Variants in PTPRD observed in about 807,000 individuals in gnomAD.
The protein encoded by PTPRD is protein tyrosine phosphatase receptor type D, also known as receptor-type tyrosine-protein phosphatase delta.
In PTPRD, 34 loss-of-function variants were observed where a neutral mutation model predicts 214.5. The observed-to-expected ratio is 0.16, with a 90% CI of 0.12 to 0.21. PTPRD has a LOEUF of 0.21. PTPRD is among the 10% of genes least tolerant of loss of function. PTPRD has a pLI of 1.00. For missense variants in PTPRD, 2,545 were observed against 2,398.7 expected (o/e 1.06, Z -1.27); for synonymous variants, 1,128 against 845.7 (o/e 1.33, Z -5.79).
chr9:9,805,954 C>G (rs10816186), intron 5 of PTPRD, among the ~76,000 whole-genome samples: 14,346 of 152,130 alleles, frequency 0.094, 2,193 homozygotes, highest in East Asian at 0.73. Flanking sequence ...AATATATTCA[C>G]TCAACAAATA....
intron 2 of PTPRD, among the ~76,000 whole-genome samples, chr9:10,604,956 A>T (rs1591840042): frequency 6.6e-6 from 1 of 151,852 alleles, no homozygotes; most frequent in African/African-American, 2.4e-5. Context: ...ACTTTGATAA[A>T]GGTTTTCAGG....
At chr9:8,376,184 T>C in intron 38 of PTPRD, 94 bp from the exon 39 acceptor site, 1 of 1,407,278 alleles carries the variant, frequency 7.1e-7, no homozygotes, top group Admixed American at 2.0e-5. Context: ...AATGTGCTAT[T>C]TTAATTCCTT....
chr9:9,336,854 T>C (rs1169748822), intron 9 of PTPRD, among the ~76,000 whole-genome samples: 1 of 152,138 alleles, frequency 6.6e-6, no homozygotes, highest in Non-Finnish European at 1.5e-5. Context: ...TTTATATGAG[T>C]AAGACATTTT....
intron 8 of PTPRD, among the ~76,000 whole-genome samples, chr9:9,480,171 C>T (rs548614963): frequency 6.6e-5 from 10 of 152,204 alleles, no homozygotes; most frequent in Non-Finnish European, 8.8e-5. Context: ...ATCCATCAGT[C>T]CAAGGGTGCA....
At chr9:10,126,614 T>C (rs889754809) in intron 3 of PTPRD, among the ~76,000 whole-genome samples, 2 of 152,162 alleles carry the variant, frequency 1.3e-5, no homozygotes, top group Non-Finnish European at 2.9e-5. Flanking sequence ...AGGTTTCTCA[T>C]CACTTAACTT....
At chr9:9,275,138 T>TATATATATA (rs1569566735) in intron 9 of PTPRD, among the ~76,000 whole-genome samples, 2 of 53,902 alleles carry the variant, frequency 3.7e-5, no homozygotes, top group Non-Finnish European at 6.5e-5. Flanking sequence ...TTATATATAA[T>TATATATATA]ATATATATAA....
chr9:9,244,226 G>C (rs904425879), intron 9 of PTPRD, among the ~76,000 whole-genome samples: 30 of 152,084 alleles, frequency 2.0e-4, no homozygotes, highest in African/African-American at 6.3e-4. Context: ...GTAATTTATA[G>C]ATTCAATGCC....
chr9:9,799,477 G>A (rs1484200290), intron 5 of PTPRD: 1 of 152,168 alleles, frequency 6.6e-6, no homozygotes, highest in East Asian at 1.9e-4. Flanking sequence ...AAAAATGAAA[G>A]TAACCACTTG....
intron 11 of PTPRD, among the ~76,000 whole-genome samples, chr9:8,737,373 G>A (rs1378673044): frequency 6.6e-6 from 1 of 152,114 alleles, no homozygotes; most frequent in Non-Finnish European, 1.5e-5. Flanking sequence ...AAAGGGAAAT[G>A]CTAGCTGCCT....
chr9:10,407,740 T>C (rs951037155), intron 2 of PTPRD, among the ~76,000 whole-genome samples: 3 of 151,624 alleles, frequency 2.0e-5, no homozygotes, highest in Admixed American at 6.6e-5. Flanking sequence ...TAATGATTTT[T>C]CTAATAAAAT....
intron 2 of PTPRD, among the ~76,000 whole-genome samples, chr9:10,555,147 C>T (rs1458109316): frequency 6.6e-6 from 1 of 152,000 alleles, no homozygotes; most frequent in East Asian, 1.9e-4. Flanking sequence ...AAACTACTGT[C>T]AGAAAACCTT....
At chr9:8,591,507 G>A (rs1594748784) in intron 14 of PTPRD, among the ~76,000 whole-genome samples, 1 of 152,078 alleles carries the variant, frequency 6.6e-6, no homozygotes. Context: ...ATTTTCAAAA[G>A]ATAAACTGCT....
chr9:9,641,733 T>G (rs1051929183), intron 7 of PTPRD, among the ~76,000 whole-genome samples: 2 of 152,188 alleles, frequency 1.3e-5, no homozygotes, highest in Non-Finnish European at 2.9e-5. Flanking sequence ...CAAGTCTAAC[T>G]GTGGGTCTGA....
In PTPRD at chr9:9,727,384, A is replaced by G. The variant is rs929634467; in HGVS notation, c.-287+7149T>C. Among the ~76,000 whole-genome samples the G allele has an allele frequency of 7.9e-5, 12 of 152,176 alleles. 1 individual carries two copies. Among genetic ancestry groups the G allele is most frequent in the Non-Finnish European group, 4.4e-5 (3 of 68,018 alleles). On this transcript the variant is annotated intron_variant, in intron 7 of 45. Transcript: ENST00000381196. ...AGGATCACCTGAGCCTAGGATGTCA[A>G]GGGTGCAATGAGCCAAGATCGCACC...
At chr9:8,815,722 G>A (rs1463417595) in intron 11 of PTPRD, among the ~76,000 whole-genome samples, 1 of 151,926 alleles carries the variant, frequency 6.6e-6, no homozygotes, top group African/African-American at 2.4e-5. Flanking sequence ...TGTATAACTG[G>A]TACCAACAGT....
chr9:8,751,355 G>C (rs1214899281), intron 11 of PTPRD, among the ~76,000 whole-genome samples: 1 of 151,382 alleles, frequency 6.6e-6, no homozygotes, highest in East Asian at 1.9e-4. Flanking sequence ...GATCTCTATG[G>C]CCACACTTTT....
chr9:8,446,614 C>T (rs1590728374), intron 34 of PTPRD, among the ~76,000 whole-genome samples: 1 of 152,260 alleles, frequency 6.6e-6, no homozygotes, highest in East Asian at 1.9e-4. Flanking sequence ...GTGTGGATTA[C>T]TAATTCTCTA....
intron 7 of PTPRD, among the ~76,000 whole-genome samples, chr9:9,636,100 C>T (rs1399148875): frequency 6.6e-6 from 1 of 152,174 alleles, no homozygotes; most frequent in African/African-American, 2.4e-5. Flanking sequence ...TTCATTTGCT[C>T]AATTTTCTCC....
intron 11 of PTPRD, among the ~76,000 whole-genome samples, chr9:8,929,936 T>C (rs1320860049): frequency 3.3e-5 from 5 of 149,946 alleles, no homozygotes; most frequent in African/African-American, 1.2e-4. Context: ...TATGTGTATA[T>C]ATATATGTGT....
Sources: allele counts gnomAD v4.1 joint callset (sites outside exome capture counted in the v4.1 genomes callset), GRCh38; gene constraint gnomAD v4.1.1; transcripts MANE v1.5; gene names NCBI Gene and HGNC (gene_info 2026-07-23, HGNC 2026-07-21).